The following CELF1 variants were observed in gnomAD, a reference collection of about 807,000 sequenced individuals.
CELF1 encodes 50 kDa nuclear polyadenylated RNA-binding protein.
Under a neutral mutation model 61.8 loss-of-function variants are expected in CELF1, and 10 were observed. That is an observed-to-expected ratio of 0.16 (90% CI 0.10 to 0.27). CELF1 has a LOEUF of 0.27. Ranked by LOEUF, CELF1 falls within the 10% of genes least tolerant of loss-of-function variation. CELF1 has a pLI of 1.00. For missense variants in CELF1, 380 were observed against 639.1 expected (o/e 0.59, Z 4.37); for synonymous variants, 236 against 225.1 (o/e 1.05, Z -0.43).
chr11:47,489,935 G>GTTTTTGTTTTTTTTTTTTTT (rs1555170253), intron 3 of CELF1, among the ~76,000 whole-genome samples: 1 of 48,226 alleles, frequency 2.1e-5, no homozygotes, highest in African/African-American at 7.8e-5. Flanking sequence ...ATACCATCTT[G>GTTTTTGTTTTTTTTTTTTTT]TTTTTTTTTT....
At chr11:47,503,602 G>A (rs2094183566) in intron 1 of CELF1, among the ~76,000 whole-genome samples, 1 of 152,096 alleles carries the variant, frequency 6.6e-6, no homozygotes, top group South Asian at 2.1e-4. Context: ...AAGTGGACTG[G>A]GTATTTTACC....
At chr11:47,551,007 G>A (rs2097124303) in intron 1 of CELF1, among the ~76,000 whole-genome samples, 1 of 149,286 alleles carries the variant, frequency 6.7e-6, no homozygotes, top group African/African-American at 2.5e-5. Flanking sequence ...ACACCTCAAA[G>A]GGAAGATTGC....
intron 9 of CELF1, among the ~76,000 whole-genome samples, chr11:47,480,091 T>G (rs1217618743): frequency 4.1e-5 from 6 of 146,040 alleles, no homozygotes; most frequent in African/African-American, 1.5e-4. Flanking sequence ...CGTCTACACT[T>G]TTTTTTTTTT....
At chr11:47,562,305 C>T (rs974697993) in intron 2 of CELF1, among the ~76,000 whole-genome samples, 4 of 151,060 alleles carry the variant, frequency 2.6e-5, no homozygotes, top group African/African-American at 7.3e-5. Context: ...GCAGGCAGAT[C>T]GCTTGAGTCC....
At chr11:47,537,148 A>G (rs1414129118) in intron 1 of CELF1, among the ~76,000 whole-genome samples, 9 of 152,160 alleles carry the variant, frequency 5.9e-5, no homozygotes, top group Non-Finnish European at 1.0e-4. Context: ...CTGAAAACTG[A>G]GCCAAAATCA....
At chr11:47,545,299 G>A (rs1488091410) in intron 1 of CELF1, among the ~76,000 whole-genome samples, 6 of 152,048 alleles carry the variant, frequency 3.9e-5, no homozygotes, top group Non-Finnish European at 8.8e-5. Flanking sequence ...GCATGGTGGC[G>A]GGCACCTATA....
chr11:47,548,734 C>T (rs577324840), intron 1 of CELF1, among the ~76,000 whole-genome samples: 156 of 151,836 alleles, frequency 1.0e-3, no homozygotes, highest in Non-Finnish European at 1.8e-3. Context: ...GGCGTGGTAG[C>T]GCATGACTGT....
chr11:47,481,350 A>C (rs1156632898), intron 9 of CELF1, among the ~76,000 whole-genome samples: 3 of 151,830 alleles, frequency 2.0e-5, no homozygotes, highest in African/African-American at 7.3e-5. Flanking sequence ...GGCTGGTCTC[A>C]AACTCCCAAC....
chr11:47,565,385 CT>C, exon 1 of CELF1: 1 of 292,920 alleles, frequency 3.4e-6, no homozygotes, highest in Non-Finnish European at 6.2e-6. Context: ...CGCGCTCTCC[CT>C]TCGCCGGGGT....
chr11:47,506,670 T>G (rs1182143470), intron 1 of CELF1, among the ~76,000 whole-genome samples: 2 of 151,986 alleles, frequency 1.3e-5, no homozygotes. Flanking sequence ...GGAGAAAGAG[T>G]TGGAAAAGAG....
intron 1 of CELF1, among the ~76,000 whole-genome samples, chr11:47,526,694 G>C (rs981124400): frequency 1.3e-5 from 2 of 152,154 alleles, no homozygotes; most frequent in African/African-American, 4.8e-5. Context: ...CAGGGAAATA[G>C]AATGGTGGAA....
intron 1 of CELF1, among the ~76,000 whole-genome samples, chr11:47,545,204 CG>C (rs2096902029): frequency 6.6e-6 from 1 of 151,954 alleles, no homozygotes; most frequent in South Asian, 2.1e-4. Flanking sequence ...CCGAGGTGGG[CG>C]GATCACCTGA....
At chr11:47,535,384 A>G (rs2096601631) in intron 1 of CELF1, among the ~76,000 whole-genome samples, 1 of 152,078 alleles carries the variant, frequency 6.6e-6, no homozygotes, top group Admixed American at 6.6e-5. Context: ...CTCCACAAAC[A>G]TATTATGTCT....
chr11:47,506,522 A>G (rs897479610), intron 1 of CELF1, among the ~76,000 whole-genome samples: 3 of 152,238 alleles, frequency 2.0e-5, no homozygotes, highest in African/African-American at 7.2e-5. Context: ...TGCAGCCCAC[A>G]GGCTGCGGGT....
chr11:47,553,084 G>A lies in CELF1; in HGVS notation c.-246C>T, dbSNP rs543383192. 24 of 399,792 alleles carry A rather than the reference G, an allele frequency of 6.0e-5. No individual in the cohort carries two copies. The South Asian group carries it at 2.5e-3, about 41-fold the overall frequency. The allele number at this position is 399,792 out of a possible 1,614,324, so 24.8% of individuals were successfully genotyped here. ...CTCGCTGCTGAGGCCGAATCCCGGG[G>A]GAGCCTCCGCGTCCCGCCGCCGCTG... On this transcript the variant is annotated 5_prime_UTR_variant, in exon 1 of 15. Coordinates refer to ENST00000687097, the MANE Select transcript of CELF1 (RefSeq NM_001376376.1).
intron 1 of CELF1, among the ~76,000 whole-genome samples, chr11:47,512,399 T>C (rs1850441): frequency 1 from 150,456 of 151,188 alleles, 74,869 homozygotes; most frequent in Middle Eastern, 1. Context: ...ATGATCCACC[T>C]GCCTTGGCCT....
intron 3 of CELF1, among the ~76,000 whole-genome samples, chr11:47,498,613 A>G (rs2093497137): frequency 6.6e-6 from 1 of 152,212 alleles, no homozygotes; most frequent in Non-Finnish European, 1.5e-5. Context: ...TGAATAACCT[A>G]AAGCTCATTT....
chr11:47,537,529 G>A (rs989974013), intron 1 of CELF1, among the ~76,000 whole-genome samples: 3 of 152,070 alleles, frequency 2.0e-5, no homozygotes, highest in African/African-American at 7.2e-5. Flanking sequence ...TTACAGGCGT[G>A]AGCCACCACA....
chr11:47,507,918 C>T (rs2094649411), intron 1 of CELF1, among the ~76,000 whole-genome samples: 1 of 151,120 alleles, frequency 6.6e-6, no homozygotes, highest in Non-Finnish European at 1.5e-5. Context: ...AAAAAAAAAA[C>T]AGAACTTCCT....
Sources: allele counts gnomAD v4.1 joint callset (sites outside exome capture counted in the v4.1 genomes callset), GRCh38; gene constraint gnomAD v4.1.1; transcripts MANE v1.5; gene names NCBI Gene and HGNC (gene_info 2026-07-23, HGNC 2026-07-21).